The following SMARCAD1 variants were observed in gnomAD, a reference collection of about 807,000 sequenced individuals.
SMARCAD1 encodes the protein SWI/SNF-related matrix-associated actin-dependent regulator of chromatin subfamily A containing DEAD/H box 1.
Under a neutral mutation model 127.1 loss-of-function variants are expected in SMARCAD1, and 25 were observed. The ratio of observed to expected loss-of-function variants is 0.20; its 90% confidence interval spans 0.14 to 0.27. The LOEUF (loss-of-function observed/expected upper bound fraction) is 0.27. SMARCAD1 is among the 10% of genes least tolerant of loss of function. The probability of loss-of-function intolerance (pLI) is 1.00; values close to 1 mark genes in which losing one functional copy is unlikely to be tolerated. For missense variants in SMARCAD1, 807 were observed against 1,206.0 expected, an observed-to-expected ratio of 0.67 and a Z score of 4.90; for synonymous variants, 400 against 396.9, an observed-to-expected ratio of 1.01 and a Z score of -0.09.
chr4:94,290,266 C>T lies in SMARCAD1; in HGVS notation c.*732C>T. 2.2e-6 allele frequency: 1 copy of T among 454,496 alleles called. No homozygotes were observed. The highest frequency in any genetic ancestry group is 2.0e-5 in the African/African-American group (1 of 50,122). 28.2% of individuals were successfully genotyped at this position (454,496 alleles called of 1,614,324 possible). A position where few individuals can be genotyped will look rare whatever the true frequency, so the allele number is the denominator to read the frequency against. Reference sequence around the variant, plus strand: ...TGCACTAATTGTGCATATTACTCTGCCTAATCTTGTGCATGTTTTCATTGA... The same window carrying T: ...TGCACTAATTGTGCATATTACTCTGTCTAATCTTGTGCATGTTTTCATTGA... On this transcript the variant is annotated 3_prime_UTR_variant, in exon 24 of 24. Transcript: ENST00000354268.
At chr4:94,224,306 A>G (rs144721996) in intron 2 of SMARCAD1, among the ~76,000 whole-genome samples, 40 of 152,306 alleles carry the variant, frequency 2.6e-4, no homozygotes, top group African/African-American at 9.4e-4. Context: ...CTCTAGAGCA[A>G]ATAGTAGTTG....
intron 11 of SMARCAD1, 89 bp downstream of exon 11, chr4:94,270,907 C>A: frequency 8.3e-7 from 1 of 1,200,108 alleles, no homozygotes; most frequent in Non-Finnish European, 1.2e-6. Context: ...CTTTTTTTTG[C>A]TACTGTAGTT....
intron 22 of SMARCAD1, among the ~76,000 whole-genome samples, chr4:94,284,456 T>C (rs1332019064): frequency 1.3e-5 from 2 of 151,562 alleles, no homozygotes; most frequent in Non-Finnish European, 2.9e-5. Flanking sequence ...TGGAGTGCAG[T>C]GGCACCATCT....
chr4:94,275,662 CAT>C (rs1359209045), intron 14 of SMARCAD1, among the ~76,000 whole-genome samples: 3 of 152,050 alleles, frequency 2.0e-5, no homozygotes, highest in Non-Finnish European at 4.4e-5. Context: ...TAAAGAGAAA[CAT>C]GTTTTAGCTT....
At chr4:94,227,517 T>G (rs1012478640) in intron 3 of SMARCAD1, among the ~76,000 whole-genome samples, 1 of 152,182 alleles carries the variant, frequency 6.6e-6, no homozygotes, top group Non-Finnish European at 1.5e-5. Context: ...GAATATACTT[T>G]GAAGATGGAG....
intron 21 of SMARCAD1, among the ~76,000 whole-genome samples, chr4:94,282,398 A>G (rs1011506973): frequency 6.6e-6 from 1 of 152,002 alleles, no homozygotes; most frequent in South Asian, 2.1e-4. Flanking sequence ...GCCCGGCGCA[A>G]ATACGTTTTG....
chr4:94,245,555 G>A (rs559540046), intron 6 of SMARCAD1, among the ~76,000 whole-genome samples: 40 of 152,250 alleles, frequency 2.6e-4, no homozygotes, highest in African/African-American at 9.1e-4. Context: ...CATAACACAA[G>A]GACAGTGAGC....
chr4:94,258,865 T>A (rs1750523620), intron 9 of SMARCAD1, among the ~76,000 whole-genome samples: 1 of 152,230 alleles, frequency 6.6e-6, no homozygotes, highest in Non-Finnish European at 1.5e-5. Flanking sequence ...ATTGCAAGTG[T>A]TGTGTATATT....
chr4:94,231,672 T>C, intron 3 of SMARCAD1, among the ~76,000 whole-genome samples: 1 of 152,106 alleles, frequency 6.6e-6, no homozygotes, highest in South Asian at 2.1e-4. Flanking sequence ...AATGAACAAT[T>C]CTCTAATATC....
intron 2 of SMARCAD1, among the ~76,000 whole-genome samples, chr4:94,224,575 T>G (rs1560517498): frequency 6.6e-6 from 1 of 150,830 alleles, no homozygotes; most frequent in Non-Finnish European, 1.5e-5. Context: ...GCTCAAAAGA[T>G]TTCAGATTTT....
At chr4:94,215,579 A>G (rs1037167687) in intron 2 of SMARCAD1, among the ~76,000 whole-genome samples, 1 of 137,158 alleles carries the variant, frequency 7.3e-6, no homozygotes, top group Admixed American at 8.2e-5. Flanking sequence ...TGTGATCACT[A>G]CACTACATTC....
intron 2 of SMARCAD1, among the ~76,000 whole-genome samples, chr4:94,222,332 A>G (rs1266542133): frequency 1.3e-5 from 2 of 152,218 alleles, no homozygotes; most frequent in Non-Finnish European, 2.9e-5. Flanking sequence ...CAAGTATGGT[A>G]AGTATCAGAG....
chr4:94,219,135 G>C (rs1237493147), intron 2 of SMARCAD1, among the ~76,000 whole-genome samples: 1 of 152,056 alleles, frequency 6.6e-6, no homozygotes, highest in East Asian at 1.9e-4. Context: ...CTTCTAAGAG[G>C]GCAAATATAT....
At chr4:94,237,637 A>G (rs1352507721) in intron 5 of SMARCAD1, among the ~76,000 whole-genome samples, 2 of 152,150 alleles carry the variant, frequency 1.3e-5, no homozygotes, top group Non-Finnish European at 2.9e-5. Flanking sequence ...CTGCTTATAT[A>G]CACTGGCATA....
In SMARCAD1 at chr4:94,278,434, G is replaced by T; in HGVS notation, c.2095G>T (p.Glu699Ter). The T allele has an allele frequency of 6.2e-7, 1 of 1,613,372 alleles. No homozygotes were observed. The highest frequency in any genetic ancestry group is 1.1e-5 in the South Asian group (1 of 91,006). Residue 699 changes from glutamate (E) to a stop codon, truncating the protein, a stop_gained, in exon 17 of 24, where the codon GAG becomes TAG. Coordinates refer to ENST00000354268, the MANE Select transcript of SMARCAD1 (RefSeq NM_020159.5). LOFTEE classifies it high-confidence loss of function. ...MFSSKTKSADEQSIYEKERIA... is the reference protein window; with the variant it reads ...MFSSKTKSAD ...TTATTTTGCTCAGAAATCAGCAGAT[G>T]AGCAAAGCATATATGAAAAGGAGAG... is the stretch of plus-strand genomic sequence containing the variant.
chr4:94,208,421 T>A lies in SMARCAD1; in HGVS notation c.27T>A (p.Phe9Leu). Reference sequence around the variant, plus strand: ...TGAATCTTTTCAACCTGGACCGTTTTCGCTTTGAGAAAAGGAATAAGATTG... The same window carrying A: ...TGAATCTTTTCAACCTGGACCGTTTACGCTTTGAGAAAAGGAATAAGATTG... MNLFNLDR[F>L]RFEKRNKIEE... The change falls in exon 2 of 24, where the codon TTT (phenylalanine) becomes TTA (leucine). Residue 9 changes from phenylalanine (F) to leucine (L), a missense_variant. This residue lies in a region of SMARCAD1 where 175 missense variants were observed against 169.5 expected (regional missense o/e 1.03). Coordinates refer to ENST00000354268, the MANE Select transcript of SMARCAD1 (RefSeq NM_020159.5). The A allele has an allele frequency of 6.2e-7, 1 of 1,614,168 alleles. No homozygotes were observed. The highest frequency in any genetic ancestry group is 1.7e-4 in the Middle Eastern group (1 of 6,056).
intron 5 of SMARCAD1, among the ~76,000 whole-genome samples, chr4:94,239,589 T>A (rs1747269727): frequency 6.6e-6 from 1 of 151,916 alleles, no homozygotes; most frequent in African/African-American, 2.4e-5. Flanking sequence ...ATTTTTTATT[T>A]TGAGACAGGG....
rs1337394008 is a variant in SMARCAD1, at chr4:94,289,937, A to G, written c.*403A>G. 1 of 454,520 alleles carries G rather than the reference A, an allele frequency of 2.2e-6. No individual in the cohort carries two copies. Among genetic ancestry groups the G allele is most frequent in the Middle Eastern group, 7.0e-4 (1 of 1,438 alleles). The allele number at this position is 454,520 out of a possible 1,614,324, so 28.2% of individuals were successfully genotyped here. On this transcript the variant is annotated 3_prime_UTR_variant, in exon 24 of 24. Transcript: ENST00000354268. Reference sequence around the variant, plus strand: ...ATTTTTACATGTGCCTTATTTGACAATGCTTATGTCTTGTTTTTGCTTGTC... The same window carrying G: ...ATTTTTACATGTGCCTTATTTGACAGTGCTTATGTCTTGTTTTTGCTTGTC...
At chr4:94,232,252 A>G (rs934735985) in intron 3 of SMARCAD1, among the ~76,000 whole-genome samples, 1 of 152,174 alleles carries the variant, frequency 6.6e-6, no homozygotes, top group Non-Finnish European at 1.5e-5. Flanking sequence ...AGTGATATTC[A>G]TTGTCAGCAT....
Sources: gnomAD v4.1 joint callset for allele counts (sites outside exome capture counted in the v4.1 genomes callset) on GRCh38, gnomAD v4.1.1 for gene constraint, gnomAD v4.1.1 regional missense constraint, MANE v1.5 for transcripts, NCBI Gene and HGNC (gene_info 2026-07-23, HGNC 2026-07-21) for gene names.